The following ZNF532 variants were observed in gnomAD, a reference collection of about 807,000 sequenced individuals.
ZNF532 encodes the protein zinc finger protein 532.
ZNF532 carries 22 observed loss-of-function variants against 89.3 expected under a neutral mutation model. That is an observed-to-expected ratio of 0.25 (90% CI 0.18 to 0.35). The LOEUF (loss-of-function observed/expected upper bound fraction) is 0.35, where lower values mean the gene tolerates loss of function less well. ZNF532 is among the 10% of genes least tolerant of loss of function. The pLI is 1.00. For synonymous variants in ZNF532, 606 were observed against 649.6 expected, an observed-to-expected ratio of 0.93 and a Z score of 1.02; for missense variants, 1,132 against 1,643.4, an observed-to-expected ratio of 0.69 and a Z score of 5.38.
intron 6 of ZNF532, among the ~76,000 whole-genome samples, chr18:58,949,184 A>G (rs1014021378): frequency 3.3e-5 from 5 of 152,334 alleles, no homozygotes; most frequent in Admixed American, 6.5e-5. Context: ...AGGGGCACAG[A>G]AATCTATTTA....
Position 58,979,135 on chromosome 18 carries a change from G to A in ZNF532, c.3231G>A (p.Lys1077=), listed in dbSNP as rs1297323943. ...GCCTGTGCCGGCACAACCGGATCAA[G>A]CACAAAGGCATCAGGAAAGTGTACG... ...SHSLCRHNRI[K]HKGIRKVYAC... is the part of the protein sequence containing the mutation. Residue 1077 remains lysine (K), a synonymous_variant, in exon 8 of 10, where the codon AAG becomes AAA. Coordinates refer to ENST00000591808, the MANE Select transcript of ZNF532 (RefSeq NM_001375912.1). 3 of 1,613,314 alleles carry A rather than the reference G, an allele frequency of 1.9e-6. No individual in the cohort carries two copies. Among genetic ancestry groups the A allele is most frequent in the Admixed American group, 1.7e-5 (1 of 60,020 alleles).
At chr18:58,964,559 G>A (rs2065719277) in intron 7 of ZNF532, among the ~76,000 whole-genome samples, 1 of 150,792 alleles carries the variant, frequency 6.6e-6, no homozygotes, top group Non-Finnish European at 1.5e-5. Flanking sequence ...GTGTGTGTGT[G>A]TGTGTGTGTG....
chr18:58,968,592 C>T (rs924377364), intron 7 of ZNF532, among the ~76,000 whole-genome samples: 3 of 152,204 alleles, frequency 2.0e-5, no homozygotes, highest in Admixed American at 6.5e-5. Flanking sequence ...TTGTGACCCA[C>T]GGTTCCCTCC....
At chr18:58,961,942 C>T (rs910525175) in intron 7 of ZNF532, among the ~76,000 whole-genome samples, 18 of 152,098 alleles carry the variant, frequency 1.2e-4, no homozygotes, top group African/African-American at 3.4e-4. Flanking sequence ...ATTCTAGGGT[C>T]GGCTGGGCAT....
chr18:58,931,139 A>C (rs140333990), intron 3 of ZNF532, among the ~76,000 whole-genome samples: 1 of 152,208 alleles, frequency 6.6e-6, no homozygotes, highest in East Asian at 1.9e-4. Context: ...TTTTTAGATG[A>C]CATAAGTAAA....
At chr18:58,983,355 C>G (rs530776830) in intron 9 of ZNF532, among the ~76,000 whole-genome samples, 1 of 152,176 alleles carries the variant, frequency 6.6e-6, no homozygotes, top group East Asian at 1.9e-4. Flanking sequence ...AAGCAAAATC[C>G]TGACACTCTC....
chr18:58,878,605 C>G (rs1327029275), intron 2 of ZNF532, among the ~76,000 whole-genome samples: 3 of 152,252 alleles, frequency 2.0e-5, no homozygotes, highest in Non-Finnish European at 4.4e-5. Flanking sequence ...GGAGTGGTGA[C>G]TAAGGGCCCC....
At chr18:58,982,912 G>A (rs2067979764) in intron 9 of ZNF532, among the ~76,000 whole-genome samples, 1 of 152,168 alleles carries the variant, frequency 6.6e-6, no homozygotes, top group African/African-American at 2.4e-5. Flanking sequence ...AGGAGTTCGA[G>A]ACCAGCCTGG....
chr18:58,909,443 G>C (rs563670085), intron 2 of ZNF532, among the ~76,000 whole-genome samples: 35 of 152,254 alleles, frequency 2.3e-4, no homozygotes, highest in African/African-American at 8.2e-4. Context: ...ACTAAAGATA[G>C]AAACCCGTTT....
intron 7 of ZNF532, among the ~76,000 whole-genome samples, chr18:58,958,287 C>T (rs368705860): frequency 1.2e-4 from 18 of 152,124 alleles, no homozygotes; most frequent in Admixed American, 2.0e-4. Flanking sequence ...GCGTAATCAT[C>T]TTAAAACCTA....
chr18:58,948,104 A>C lies in ZNF532; in HGVS notation c.2743A>C (p.Thr915Pro). ...GTGTTCCATGTGCGACACTGTGTTC[A>C]CCCTGCAAACCTTGCTGTATCGCCA... ...YKCSMCDTVF[T>P]LQTLLYRHFD... is the part of the protein sequence containing the mutation. The change falls in exon 6 of 10, where the codon ACC becomes CCC. Residue 915 changes from threonine (T) to proline (P), a missense_variant. Around this residue, in one of 9 missense-constraint regions of ZNF532, gnomAD observed 415 missense variants for 604.8 expected, o/e 0.69. Transcript: ENST00000591808. 4 of 1,613,762 alleles carry C rather than the reference A, an allele frequency of 2.5e-6. No homozygotes were observed. Among genetic ancestry groups the C allele is most frequent in the Non-Finnish European group, 3.4e-6 (4 of 1,179,794 alleles).
At chr18:58,920,783 TGTGTG>T in intron 3 of ZNF532, 150 bp downstream of exon 3, 2 of 556,190 alleles carry the variant, frequency 3.6e-6, no homozygotes, top group South Asian at 2.9e-5. Context: ...TGTGTGTGTG[TGTGTG>T]TGTTTGGGGA....
chr18:58,863,432 A>AG (rs1320882873), upstream of ZNF532: 44 of 1,246 alleles, frequency 0.035, no homozygotes, highest in African/African-American at 0.13. Flanking sequence ...CCGGTCCCGG[A>AG]GCTCCCTTCC....
In ZNF532 at chr18:58,983,982, C is replaced by T. The variant is rs751525532; in HGVS notation, c.3422C>T (p.Pro1141Leu). ...EIKEDTKVPS[P>L]KRKLEEPVLE... ...TTCTTTCCCTGAAAGGTCCCCAGTC[C>T]CAAGCGGAAGTTGGAAGAACCAGTT... is the stretch of plus-strand genomic sequence containing the variant. Residue 1141 changes from proline (P) to leucine (L), a missense_variant, in exon 10 of 10, where the codon CCC (proline) becomes CTC (leucine). Physicochemically the swap from Pro to Leu is moderately conservative, Grantham distance 98. Transcript: ENST00000591808. 2 of 1,608,180 alleles carry T rather than the reference C, an allele frequency of 1.2e-6. No individual in the cohort carries two copies. Among genetic ancestry groups the T allele is most frequent in the African/African-American group, 2.7e-5 (2 of 74,632 alleles).
intron 3 of ZNF532, among the ~76,000 whole-genome samples, chr18:58,923,817 A>C (rs1321582903): frequency 6.6e-6 from 1 of 152,124 alleles, no homozygotes; most frequent in African/African-American, 2.4e-5. Flanking sequence ...AAGTACCGGC[A>C]ACTGTGCCAA....
intron 7 of ZNF532, among the ~76,000 whole-genome samples, chr18:58,975,996 C>T (rs1416877353): frequency 2.0e-5 from 3 of 152,142 alleles, no homozygotes; most frequent in African/African-American, 7.2e-5. Flanking sequence ...ATTTTTTAAA[C>T]TCATAAAAGC....
chr18:58,910,615 C>A (rs2060219060), intron 2 of ZNF532, among the ~76,000 whole-genome samples: 1 of 151,796 alleles, frequency 6.6e-6, no homozygotes, highest in Admixed American at 6.6e-5. Flanking sequence ...TACAGGCATG[C>A]ACCACCAAGC....
At position 58,973,275 on chromosome 18, in the gene ZNF532, G is replaced by T. The variant is rs529228261; in HGVS notation, c.3151-5780G>T. 6.4e-4 allele frequency among the ~76,000 whole-genome samples: 98 copies of T among 152,150 alleles called. 1 individual carries two copies. The highest frequency in any genetic ancestry group is 1.2e-3 in the Non-Finnish European group (81 of 68,026). ...GCACCACCATGCCCAGCTAATATTT[G>T]TATTTTTAGTAGAGACAGGATTTTG... On this transcript the variant is annotated intron_variant, in intron 7 of 9. Coordinates refer to ENST00000591808, the MANE Select transcript of ZNF532 (RefSeq NM_001375912.1).
At position 58,939,484 on chromosome 18, in the gene ZNF532, T is replaced by C; in HGVS notation, c.2568T>C (p.Ala856=). Residue 856 remains alanine, a synonymous_variant, in exon 5 of 10, where the codon GCT becomes GCC. Coordinates refer to ENST00000591808, the MANE Select transcript of ZNF532 (RefSeq NM_001375912.1). The part of the protein sequence containing the change: ...HCNVVYSDVA[A]LKSHIQGSHC... ...ATGTTGTGTACTCTGATGTGGCTGCTCTGAAGTCTCACATTCAAGGTTCTC... is the reference window on the plus strand; with the variant it reads ...ATGTTGTGTACTCTGATGTGGCTGCCCTGAAGTCTCACATTCAAGGTTCTC... The C allele has an allele frequency of 6.2e-7, 1 of 1,614,096 alleles. No homozygotes were observed. The highest frequency in any genetic ancestry group is 8.5e-7 in the Non-Finnish European group (1 of 1,180,018).
Sources: gnomAD v4.1 joint callset for allele counts (sites outside exome capture counted in the v4.1 genomes callset) on GRCh38, gnomAD v4.1.1 for gene constraint, gnomAD v4.1.1 regional missense constraint, MANE v1.5 for transcripts, NCBI Gene and HGNC (gene_info 2026-07-23, HGNC 2026-07-21) for gene names.